PLAA: variants seen among roughly 807,000 people sequenced by gnomAD.
PLAA encodes phospholipase A2 activating protein.
PLAA carries 48 observed loss-of-function variants against 84.1 expected under a neutral mutation model. That is an observed-to-expected ratio of 0.57 (90% confidence interval 0.45 to 0.73). PLAA has a LOEUF of 0.73. Among genes scored for constraint, PLAA ranks in the 30% least tolerant of loss-of-function variants. The probability of loss-of-function intolerance (pLI) is 0.00; values close to 1 mark genes in which losing one functional copy is unlikely to be tolerated. For synonymous variants in PLAA, 392 were observed against 336.6 expected (o/e 1.16, Z -1.80); for missense variants, 903 against 954.7 (o/e 0.95, Z 0.71).
intron 1 of PLAA, 44 bp downstream of exon 1, chr9:26,946,853 G>T: frequency 3.9e-6 from 6 of 1,528,930 alleles, no homozygotes; most frequent in Middle Eastern, 1.7e-4. Context: ...CACTCTCCGG[G>T]AAGCGTGCAA....
intron 1 of PLAA, among the ~76,000 whole-genome samples, chr9:26,935,950 T>G (rs892281348): frequency 7.9e-5 from 12 of 152,016 alleles, no homozygotes; most frequent in African/African-American, 2.6e-4. Flanking sequence ...TTGTGACATG[T>G]ATCAATCACT....
At position 26,903,372 on chromosome 9, in the gene PLAA, T is replaced by C. The variant is rs1824138211; in HGVS notation, c.*2139A>G. ...TTAATAAGAAATGGGTATATCCATA[T>C]GATAGAATATTGTATTTATTAATGT... On this transcript the variant is annotated 3_prime_UTR_variant, in exon 14 of 14. Transcript: ENST00000397292. 6.6e-6 allele frequency among the ~76,000 whole-genome samples: 1 copy of C among 152,356 alleles called. No homozygotes were observed. The highest frequency in any genetic ancestry group is 1.5e-5 in the Non-Finnish European group (1 of 68,020).
intron 2 of PLAA, among the ~76,000 whole-genome samples, chr9:26,929,723 T>C (rs1462151266): frequency 6.6e-6 from 1 of 152,194 alleles, no homozygotes; most frequent in African/African-American, 2.4e-5. Context: ...TTGCTCTGAT[T>C]ATCCTATTCC....
At chr9:26,941,106 G>T (rs1371277577) in intron 1 of PLAA, among the ~76,000 whole-genome samples, 2 of 139,298 alleles carry the variant, frequency 1.4e-5, no homozygotes, top group Admixed American at 1.6e-4. Flanking sequence ...TAAATGGTTA[G>T]CATTAAGTAT....
At chr9:26,912,181 AT>A (rs1397773867) in intron 11 of PLAA, among the ~76,000 whole-genome samples, 246 of 152,356 alleles carry the variant, frequency 1.6e-3, no homozygotes, top group African/African-American at 5.7e-3. Flanking sequence ...GTATTACAAA[AT>A]TAAATAAAAA....
At chr9:26,915,248 A>G (rs1824514425) in intron 10 of PLAA, among the ~76,000 whole-genome samples, 1 of 152,118 alleles carries the variant, frequency 6.6e-6, no homozygotes, top group African/African-American at 2.4e-5. Context: ...ACTACCACCA[A>G]GATCATTTAT....
intron 2 of PLAA, among the ~76,000 whole-genome samples, chr9:26,934,312 A>G (rs1323313065): frequency 1.3e-5 from 2 of 152,192 alleles, no homozygotes; most frequent in African/African-American, 4.8e-5. Flanking sequence ...CAAATATATT[A>G]AATACTCCTC....
intron 5 of PLAA, 60 bp from the exon 6 acceptor site, chr9:26,926,020 C>T (rs538023122): frequency 3.8e-5 from 52 of 1,366,410 alleles, no homozygotes; most frequent in East Asian, 2.9e-4. Flanking sequence ...TTTATACATA[C>T]CATCTTTCTA....
chr9:26,934,922 T>C (rs987964605), intron 2 of PLAA, 91 bp downstream of exon 2: 3 of 974,630 alleles, frequency 3.1e-6, no homozygotes, highest in Non-Finnish European at 4.6e-6. Context: ...AAACAAAATA[T>C]AATAAAAACT....
Position 26,906,064 on chromosome 9 carries a change from G to A in PLAA, c.1835C>T (p.Pro612Leu). 1.3e-6 allele frequency: 2 copies of A among 1,527,784 alleles called. No individual in the cohort carries two copies. The highest frequency in any genetic ancestry group is 2.2e-5 in the Admixed American group (1 of 46,220). The allele number at this position is 1,527,784 out of a possible 1,614,324, so 94.6% of individuals were successfully genotyped here. A position where few individuals can be genotyped will look rare whatever the true frequency, so the allele number is the denominator to read the frequency against. The change falls in exon 14 of 14, where the codon CCT (proline) becomes CTT (leucine). Residue 612 changes from proline (P) to leucine (L), a missense_variant. Coordinates refer to ENST00000397292, the MANE Select transcript of PLAA (RefSeq NM_001031689.3). ...AINCPEDIVFPALDILRLSIK... is the reference protein window; with the variant it reads ...AINCPEDIVFLALDILRLSIK... ...TGACAACCGAAGAATGTCAAGTGCA[G>A]GAAAGACAATATCTATTAAAAAAAA...
intron 1 of PLAA, 60 bp from the exon 2 acceptor site, chr9:26,935,266 A>C: frequency 9.1e-7 from 1 of 1,099,274 alleles, no homozygotes; most frequent in Non-Finnish European, 1.3e-6. Flanking sequence ...CTAGGACATA[A>C]ACTGTCAAAG....
At chr9:26,933,581 G>T (rs933107806) in intron 2 of PLAA, among the ~76,000 whole-genome samples, 1 of 152,036 alleles carries the variant, frequency 6.6e-6, no homozygotes, top group Admixed American at 6.5e-5. Context: ...AAGGTCAGGA[G>T]ATCGAGATCA....
In PLAA at chr9:26,935,016, T is replaced by A; in HGVS notation, c.340A>T (p.Thr114Ser). The change falls in exon 2 of 14, where the codon ACT becomes TCT. Residue 114 changes from threonine to serine, a missense_variant. Transcript: ENST00000397292. ...PLYILKGHKNTVCSLSSGKFG... is the reference protein window; with the variant it reads ...PLYILKGHKNSVCSLSSGKFG... ...ACCAAAGCATTATTATACTCACCAGTATTTTTGTGGCCTTTTAGAATATAA... is the reference window on the plus strand; with the variant it reads ...ACCAAAGCATTATTATACTCACCAGAATTTTTGTGGCCTTTTAGAATATAA... 6.3e-7 allele frequency: 1 copy of A among 1,583,930 alleles called. No homozygotes were observed. The highest frequency in any genetic ancestry group is 2.3e-5 in the East Asian group (1 of 43,550).
intron 2 of PLAA, among the ~76,000 whole-genome samples, chr9:26,931,643 T>C (rs1825188304): frequency 6.6e-6 from 1 of 151,898 alleles, no homozygotes; most frequent in South Asian, 2.1e-4. Context: ...AAGAACACAT[T>C]AAAGGAAACA....
chr9:26,920,737 C>G (rs1004365117), intron 7 of PLAA, among the ~76,000 whole-genome samples: 6 of 152,182 alleles, frequency 3.9e-5, no homozygotes, highest in African/African-American at 1.4e-4. Flanking sequence ...AAGCCTGATA[C>G]CTTTCTCTCA....
chr9:26,929,040 A>T lies in PLAA; in HGVS notation c.344-632T>A, dbSNP rs1825080353. On this transcript the variant is annotated intron_variant, in intron 2 of 13. Transcript: ENST00000397292. ...TGGAGAGACCTCATCTCTACTAAAAATACAAAAAAATAGCTGGGTGTGGCG... is the reference window on the plus strand; with the variant it reads ...TGGAGAGACCTCATCTCTACTAAAATTACAAAAAAATAGCTGGGTGTGGCG... Among the ~76,000 whole-genome samples the T allele has an allele frequency of 2.0e-5, 3 of 152,142 alleles. No homozygotes were observed. The South Asian group carries it at 6.2e-4, about 32-fold the overall frequency.
At chr9:26,918,102 A>ATTT (rs533380517) in intron 9 of PLAA, among the ~76,000 whole-genome samples, 1,862 of 151,872 alleles carry the variant, frequency 0.012, 34 homozygotes, top group African/African-American at 0.043. Flanking sequence ...TACTTTGATA[A>ATTT]TTTTTTTTAA....
intron 1 of PLAA, among the ~76,000 whole-genome samples, chr9:26,939,404 AAAAT>A (rs1185104635): frequency 1.3e-5 from 2 of 151,692 alleles, no homozygotes; most frequent in South Asian, 2.1e-4. Flanking sequence ...AGATAAAAAT[AAAAT>A]AAATAAATAA....
In PLAA at chr9:26,933,136, C is replaced by T. The variant is rs201244220; in HGVS notation, c.343+1877G>A. On this transcript the variant is annotated intron_variant, in intron 2 of 13. Transcript: ENST00000397292. Reference sequence around the variant, plus strand: ...TACAAAAATTAGCTGGGTGTGGTGGCGCGCGCCTGTAGTCCCAGATACTCA... The same window carrying T: ...TACAAAAATTAGCTGGGTGTGGTGGTGCGCGCCTGTAGTCCCAGATACTCA... 4.6e-5 allele frequency among the ~76,000 whole-genome samples: 7 copies of T among 152,072 alleles called. No individual in the cohort carries two copies. In the East Asian group the frequency reaches 7.8e-4, roughly 17 times the overall value.
Sources: allele counts gnomAD v4.1 joint callset (sites outside exome capture counted in the v4.1 genomes callset), GRCh38; gene constraint gnomAD v4.1.1; transcripts MANE v1.5; gene names NCBI Gene and HGNC (gene_info 2026-07-23, HGNC 2026-07-21).